The following MSRB3 variants were observed in gnomAD, a reference collection of about 807,000 sequenced individuals.
The protein encoded by MSRB3 is methionine-R-sulfoxide reductase B3.
A neutral mutation model predicts 21.0 loss-of-function variants in MSRB3; 13 were observed. That is an observed-to-expected ratio of 0.62 (90% CI 0.40 to 0.98). The LOEUF is 0.98. MSRB3 is among the 50% of genes least tolerant of loss of function. The pLI, the probability that MSRB3 is intolerant of heterozygous loss-of-function variation, is 0.00. For synonymous variants in MSRB3, 87 were observed against 88.6 expected (o/e 0.98, Z 0.10); for missense variants, 199 against 230.3 (o/e 0.86, Z 0.88).
At chr12:65,336,549 G>T (rs1435642523) in intron 4 of MSRB3, among the ~76,000 whole-genome samples, 2 of 152,116 alleles carry the variant, frequency 1.3e-5, no homozygotes, top group Non-Finnish European at 2.9e-5. Flanking sequence ...TTTCCAAATG[G>T]ATTACATTTT....
chr12:65,420,702 C>T (rs938138358), intron 5 of MSRB3, among the ~76,000 whole-genome samples: 5 of 152,122 alleles, frequency 3.3e-5, no homozygotes, highest in Admixed American at 2.0e-4. Context: ...TCATTTAGCT[C>T]CCACTTATAA....
At chr12:65,365,488 G>A (rs1208567749) in intron 4 of MSRB3, among the ~76,000 whole-genome samples, 1 of 152,172 alleles carries the variant, frequency 6.6e-6, no homozygotes, top group African/African-American at 2.4e-5. Context: ...GGATTGGAGA[G>A]CTGGATCATG....
chr12:65,434,414 G>A (rs1045648286), intron 5 of MSRB3, among the ~76,000 whole-genome samples: 1 of 151,930 alleles, frequency 6.6e-6, no homozygotes, highest in Non-Finnish European at 1.5e-5. Flanking sequence ...GAGAAGATAA[G>A]TCTAACATGG....
intron 5 of MSRB3, among the ~76,000 whole-genome samples, chr12:65,390,822 G>A (rs1457062554): frequency 1.3e-5 from 2 of 152,040 alleles, no homozygotes; most frequent in Non-Finnish European, 2.9e-5. Context: ...TGGTAAGATT[G>A]CAGTTGATTT....
chr12:65,349,402 A>G (rs906682046), intron 4 of MSRB3, among the ~76,000 whole-genome samples: 15 of 151,966 alleles, frequency 9.9e-5, no homozygotes, highest in African/African-American at 3.1e-4. Flanking sequence ...AGCAAGATTT[A>G]TAGTCCTTTG....
intron 5 of MSRB3, among the ~76,000 whole-genome samples, chr12:65,430,814 T>G (rs536083795): frequency 6.6e-6 from 1 of 152,120 alleles, no homozygotes; most frequent in Non-Finnish European, 1.5e-5. Flanking sequence ...GTTCTAGTTT[T>G]TAAAAATGGA....
At chr12:65,396,378 T>G (rs1350760949) in intron 5 of MSRB3, among the ~76,000 whole-genome samples, 3 of 152,222 alleles carry the variant, frequency 2.0e-5, no homozygotes, top group Non-Finnish European at 4.4e-5. Context: ...ATTATTTCTA[T>G]TTTTAAAAAT....
chr12:65,404,573 T>C (rs1221415249), intron 5 of MSRB3, among the ~76,000 whole-genome samples: 2 of 152,248 alleles, frequency 1.3e-5, no homozygotes, highest in Admixed American at 1.3e-4. Flanking sequence ...TTCTGATTTA[T>C]ATCATTTTCC....
intron 1 of MSRB3, among the ~76,000 whole-genome samples, chr12:65,291,214 T>A (rs1212466276): frequency 1.3e-5 from 2 of 151,990 alleles, no homozygotes; most frequent in South Asian, 4.2e-4. Flanking sequence ...GCCTCCTGAG[T>A]AGCTGTGATT....
chr12:65,305,891 T>A (rs941846565), intron 1 of MSRB3, among the ~76,000 whole-genome samples: 2 of 152,246 alleles, frequency 1.3e-5, no homozygotes, highest in Admixed American at 6.5e-5. Context: ...CTGTTACAAT[T>A]TTCTAATTCA....
chr12:65,458,382 G>C (rs1462137727), intron 6 of MSRB3, among the ~76,000 whole-genome samples: 1 of 152,202 alleles, frequency 6.6e-6, no homozygotes, highest in East Asian at 1.9e-4. Context: ...ACATTGTAAA[G>C]AGGTTTGTCC....
At chr12:65,434,486 A>G (rs886729660) in intron 5 of MSRB3, among the ~76,000 whole-genome samples, 5 of 151,932 alleles carry the variant, frequency 3.3e-5, no homozygotes, top group Middle Eastern at 3.2e-3. Flanking sequence ...ATAGGTGTTG[A>G]TAGGTGTCAT....
At chr12:65,444,784 A>C (rs1476600270) in intron 5 of MSRB3, among the ~76,000 whole-genome samples, 1 of 152,078 alleles carries the variant, frequency 6.6e-6, no homozygotes. Flanking sequence ...CTCCATCCTT[A>C]AGCAATTTTC....
Position 65,364,850 on chromosome 12 carries a change from T to A in MSRB3, c.264-4148T>A, listed in dbSNP as rs149666716. On this transcript the variant is annotated intron_variant, in intron 4 of 6. Coordinates refer to ENST00000308259, the MANE Select transcript of MSRB3 (RefSeq NM_001031679.3). Reference sequence around the variant, plus strand: ...GTTTTCCCTATCCCCAAATTGACAGTTTTAACTTCTATTATCATGTTTTAA... The same window carrying A: ...GTTTTCCCTATCCCCAAATTGACAGATTTAACTTCTATTATCATGTTTTAA... 3.3e-5 allele frequency among the ~76,000 whole-genome samples: 5 copies of A among 152,148 alleles called. No homozygotes were observed. In the East Asian group the frequency reaches 9.6e-4, roughly 29 times the overall value.
At chr12:65,450,432 C>T (rs1308759471) in intron 5 of MSRB3, among the ~76,000 whole-genome samples, 2 of 151,924 alleles carry the variant, frequency 1.3e-5, no homozygotes. Flanking sequence ...TAATAATAGG[C>T]TAATATCTAA....
chr12:65,400,884 G>C lies in MSRB3; in HGVS notation c.292+31858G>C, dbSNP rs1880089097. ...TCATTATTTACCCAGTAGCCATTCA[G>C]GAGCAGGTTGTTCAGTTTCCATGTA... is the stretch of plus-strand genomic sequence containing the variant. On this transcript the variant is annotated intron_variant, in intron 5 of 6. Transcript: ENST00000308259. Among the ~76,000 whole-genome samples, 4 of 152,202 alleles carry C rather than the reference G, an allele frequency of 2.6e-5. No individual in the cohort carries two copies. In the South Asian group the frequency reaches 8.3e-4, roughly 32 times the overall value.
At position 65,466,481 on chromosome 12, in the gene MSRB3, C is replaced by T. The variant is rs1883579927; in HGVS notation, c.*3159C>T. The T allele has an allele frequency of 6.6e-6, 1 of 152,124 alleles. No homozygotes were observed. The highest frequency in any genetic ancestry group is 2.4e-5 in the African/African-American group (1 of 41,432). The allele number at this position is 152,124 out of a possible 1,614,324, so 9.4% of individuals were successfully genotyped here. ...AAGTGCATGGGACTTTCCCTCTCTGCACTCCAGCTCTTACTGTACCATTAG... is the reference window on the plus strand; with the variant it reads ...AAGTGCATGGGACTTTCCCTCTCTGTACTCCAGCTCTTACTGTACCATTAG... On this transcript the variant is annotated 3_prime_UTR_variant, in exon 7 of 7. Coordinates refer to ENST00000308259, the MANE Select transcript of MSRB3 (RefSeq NM_001031679.3).
intron 5 of MSRB3, among the ~76,000 whole-genome samples, chr12:65,446,539 C>A (rs1230443430): frequency 1.3e-5 from 2 of 151,912 alleles, no homozygotes; most frequent in East Asian, 3.9e-4. Context: ...AAAAAAAAAT[C>A]TTGCCTTCTT....
At chr12:65,448,892 A>G (rs1436101798) in intron 5 of MSRB3, among the ~76,000 whole-genome samples, 3 of 152,232 alleles carry the variant, frequency 2.0e-5, no homozygotes, top group African/African-American at 7.2e-5. Context: ...TTGATTTTCT[A>G]CCACATGCCC....
Sources: gnomAD v4.1 joint callset for allele counts (sites outside exome capture counted in the v4.1 genomes callset) on GRCh38, gnomAD v4.1.1 for gene constraint, MANE v1.5 for transcripts, NCBI Gene and HGNC (gene_info 2026-07-23, HGNC 2026-07-21) for gene names.